The following ROR1 variants were observed in gnomAD, a reference collection of about 807,000 sequenced individuals.
ROR1 encodes the protein ROR family WNT receptor 1.
ROR1 carries 19 observed loss-of-function variants against 78.8 expected under a neutral mutation model. That is an observed-to-expected ratio of 0.24 (90% CI 0.17 to 0.35). ROR1 has a LOEUF of 0.35. Among genes scored for constraint, ROR1 ranks in the 10% least tolerant of loss-of-function variants. The pLI, the probability that ROR1 is intolerant of heterozygous loss-of-function variation, is 1.00. For synonymous variants in ROR1, 386 were observed against 433.6 expected (o/e 0.89, Z 1.36); for missense variants, 917 against 1,177.8 (o/e 0.78, Z 3.24).
chr1:63,871,657 T>G (rs1645252031), intron 1 of ROR1, among the ~76,000 whole-genome samples: 1 of 152,216 alleles, frequency 6.6e-6, no homozygotes, highest in Admixed American at 6.5e-5. Flanking sequence ...GACATTTGCC[T>G]TGACAGTGCC....
At chr1:63,914,425 A>G (rs1371818401) in intron 1 of ROR1, among the ~76,000 whole-genome samples, 1 of 152,150 alleles carries the variant, frequency 6.6e-6, no homozygotes, top group Non-Finnish European at 1.5e-5. Context: ...AGAAAGTAGC[A>G]TGCTGCAGGG....
At chr1:63,940,502 T>TAGAC (rs997007145) in intron 1 of ROR1, among the ~76,000 whole-genome samples, 2 of 123,492 alleles carry the variant, frequency 1.6e-5, no homozygotes, top group African/African-American at 7.4e-5. Context: ...GACAGACAGA[T>TAGAC]AGATAGATAG....
chr1:63,951,733 T>G (rs1273444562), intron 1 of ROR1, among the ~76,000 whole-genome samples: 1 of 152,124 alleles, frequency 6.6e-6, no homozygotes, highest in South Asian at 2.1e-4. Context: ...CCAGCCCACA[T>G]GCTGCCCACT....
chr1:64,093,288 T>C (rs531661044), intron 4 of ROR1, among the ~76,000 whole-genome samples: 1 of 152,202 alleles, frequency 6.6e-6, no homozygotes, highest in East Asian at 1.9e-4. Flanking sequence ...ACTTAATGGG[T>C]TGCTGAAAAT....
chr1:63,877,324 C>T (rs1645293706), intron 1 of ROR1, among the ~76,000 whole-genome samples: 1 of 152,096 alleles, frequency 6.6e-6, no homozygotes, highest in Admixed American at 6.6e-5. Context: ...TGTGCCTCTG[C>T]TGCTCAATGT....
At chr1:63,949,467 A>G (rs1349447493) in intron 1 of ROR1, among the ~76,000 whole-genome samples, 1 of 152,116 alleles carries the variant, frequency 6.6e-6, no homozygotes. Flanking sequence ...ACCTGAACTT[A>G]TTTCATTCTG....
intron 1 of ROR1, among the ~76,000 whole-genome samples, chr1:63,787,182 T>C (rs966711815): frequency 1.3e-5 from 2 of 152,198 alleles, no homozygotes; most frequent in Admixed American, 6.5e-5. Flanking sequence ...TTCTTCAAAC[T>C]GTATTGCATC....
intron 1 of ROR1, among the ~76,000 whole-genome samples, chr1:63,927,959 CTT>C (rs71056016): frequency 0.018 from 2,393 of 134,080 alleles, 35 homozygotes; most frequent in Non-Finnish European, 0.028. Flanking sequence ...AAGGGGTTCC[CTT>C]TTTTTTTTTT....
At chr1:63,973,684 TA>T (rs1357756986) in intron 1 of ROR1, among the ~76,000 whole-genome samples, 2 of 152,032 alleles carry the variant, frequency 1.3e-5, no homozygotes, top group East Asian at 1.9e-4. Context: ...GGATGTTTGT[TA>T]AAAAAAACCC....
intron 1 of ROR1, among the ~76,000 whole-genome samples, chr1:63,825,519 A>G (rs566199208): frequency 1.2e-4 from 18 of 152,348 alleles, no homozygotes; most frequent in Admixed American, 4.6e-4. Flanking sequence ...GCCTCAGGCA[A>G]GGTGGGAATG....
intron 1 of ROR1, among the ~76,000 whole-genome samples, chr1:63,899,398 T>C (rs1645467004): frequency 6.6e-6 from 1 of 152,200 alleles, no homozygotes; most frequent in Non-Finnish European, 1.5e-5. Flanking sequence ...TTTCCTTTTG[T>C]GCCTTTAACA....
intron 1 of ROR1, among the ~76,000 whole-genome samples, chr1:63,917,714 A>C (rs1645619642): frequency 6.6e-6 from 1 of 152,200 alleles, no homozygotes; most frequent in South Asian, 2.1e-4. Context: ...ATGGAGCTGC[A>C]GACCACGTGG....
In ROR1 at chr1:64,014,773, T is replaced by TATATACACACAC. The variant is rs71056017; in HGVS notation, c.163+5398_163+5399insTATACACACACA. Among the ~76,000 whole-genome samples, 25 of 47,004 alleles carry TATATACACACAC rather than the reference T, an allele frequency of 5.3e-4. 1 individual carries two copies. The highest frequency in any genetic ancestry group is 9.7e-4 in the Non-Finnish European group (21 of 21,600). 30.8% of individuals were successfully genotyped at this position (47,004 alleles called of 152,430 possible). ...ATATATATATATATATATATATATA[T>TATATACACACAC]ACACATTTTGTCCTGGTTTGCCTTT... On this transcript the variant is annotated intron_variant, in intron 2 of 8. Transcript: ENST00000371079.
chr1:64,100,457 C>G (rs1647483379), intron 4 of ROR1, among the ~76,000 whole-genome samples: 1 of 152,138 alleles, frequency 6.6e-6, no homozygotes, highest in African/African-American at 2.4e-5. Context: ...CACTGCACTC[C>G]AGCCTAGGTG....
chr1:63,939,718 G>A (rs1039236358), intron 1 of ROR1, among the ~76,000 whole-genome samples: 12 of 152,022 alleles, frequency 7.9e-5, no homozygotes, highest in Non-Finnish European at 1.8e-4. Flanking sequence ...ACCATGGAGG[G>A]GTGTTACAAA....
intron 1 of ROR1, among the ~76,000 whole-genome samples, chr1:63,803,775 T>C (rs1644810362): frequency 6.6e-6 from 1 of 152,222 alleles, no homozygotes; most frequent in African/African-American, 2.4e-5. Flanking sequence ...TTGCTTGTAA[T>C]AGCCAAAATC....
intron 1 of ROR1, among the ~76,000 whole-genome samples, chr1:63,854,718 G>A (rs979167742): frequency 5.3e-5 from 8 of 152,106 alleles, no homozygotes; most frequent in African/African-American, 1.9e-4. Flanking sequence ...TCACTTAATG[G>A]TGAATGAATG....
intron 1 of ROR1, among the ~76,000 whole-genome samples, chr1:63,832,531 G>A (rs1041699947): frequency 1.2e-4 from 19 of 152,130 alleles, no homozygotes; most frequent in African/African-American, 2.7e-4. Flanking sequence ...GAGCCAAACC[G>A]TATCAACCAG....
At chr1:64,112,970 A>T (rs1200180867) in intron 4 of ROR1, among the ~76,000 whole-genome samples, 2 of 152,242 alleles carry the variant, frequency 1.3e-5, no homozygotes, top group South Asian at 2.1e-4. Flanking sequence ...GCCAGTACAT[A>T]ATAAGCATGT....
Sources: allele counts gnomAD v4.1 joint callset (sites outside exome capture counted in the v4.1 genomes callset), GRCh38; gene constraint gnomAD v4.1.1; transcripts MANE v1.5; gene names NCBI Gene and HGNC (gene_info 2026-07-23, HGNC 2026-07-21).